RUBCN: variants seen among roughly 807,000 people sequenced by gnomAD.
The protein encoded by RUBCN is run domain Beclin-1-interacting and cysteine-rich domain-containing protein.
A neutral mutation model predicts 113.2 loss-of-function variants in RUBCN; 74 were observed. The observed-to-expected ratio is 0.65, with a 90% CI of 0.54 to 0.79. The LOEUF is 0.79. Among genes scored for constraint, RUBCN ranks in the 30% least tolerant of loss-of-function variants. The probability of loss-of-function intolerance (pLI) is 0.00; values close to 1 mark genes in which losing one functional copy is unlikely to be tolerated. For missense variants in RUBCN, 1,109 were observed against 1,251.7 expected (o/e 0.89, Z 1.72); for synonymous variants, 480 against 490.0 (o/e 0.98, Z 0.27).
At chr3:197,680,593 C>T (rs1010452149) in intron 16 of RUBCN, among the ~76,000 whole-genome samples, 1 of 152,204 alleles carries the variant, frequency 6.6e-6, no homozygotes, top group Non-Finnish European at 1.5e-5. Flanking sequence ...CTGTCCTATG[C>T]TCTAACTTGC....
intron 1 of RUBCN, among the ~76,000 whole-genome samples, chr3:197,724,556 T>G (rs1726531187): frequency 6.6e-6 from 1 of 152,218 alleles, no homozygotes. Context: ...CCTTCCACAG[T>G]GAGCTCTTTA....
In RUBCN at chr3:197,676,549, G is replaced by A. The variant is rs1487161906; in HGVS notation, c.2646+336C>T. ...GCTGGTCTTGAACTCCTGACCTCAG[G>A]TGACCCGCCCACCTCGGCCTCCCAA... On this transcript the variant is annotated intron_variant, in intron 18 of 19. Coordinates refer to ENST00000296343, the MANE Select transcript of RUBCN (RefSeq NM_014687.4). The A allele has an allele frequency of 4.5e-6, 5 of 1,099,266 alleles. No homozygotes were observed. In the South Asian group the frequency reaches 5.4e-5, roughly 12 times the overall value. The allele number at this position is 1,099,266 out of a possible 1,614,324, so 68.1% of individuals were successfully genotyped here.
Position 197,675,446 on chromosome 3 carries a change from G to A in RUBCN, c.2716C>T (p.Leu906Phe). The change falls in exon 19 of 20, where the codon CTC (leucine) becomes TTC (phenylalanine). Residue 906 changes from leucine (L) to phenylalanine (F), a missense_variant. Leu to Phe is a conservative substitution (Grantham distance 22). Around this residue, in one of 3 missense-constraint regions of RUBCN, gnomAD observed 306 missense variants for 348.9 expected, o/e 0.88. Transcript: ENST00000296343. This position sits in a 1 kb window ranked among gnomAD's most constrained non-coding sequence, Gnocchi z 4.4. Reference protein sequence around the residue: ...NEDDIIFPFELHKCRTCEECK... With the variant: ...NEDDIIFPFEFHKCRTCEECK... ...CCTTCACAGGTCCGGCACTTATGGA[G>A]CTCAAAGGGAAAGATGATGTCATCC... 6.2e-7 allele frequency: 1 copy of A among 1,613,956 alleles called. No homozygotes were observed. Among genetic ancestry groups the A allele is most frequent in the Non-Finnish European group, 8.5e-7 (1 of 1,179,954 alleles).
At chr3:197,676,701 T>G in intron 18 of RUBCN, 184 bp downstream of exon 18, 1 of 1,459,158 alleles carries the variant, frequency 6.9e-7, no homozygotes, top group East Asian at 2.5e-5. Context: ...CTCGAGGTTC[T>G]TTAGATCAGG....
At chr3:197,693,848 A>G in intron 10 of RUBCN, 32 bp from the exon 11 acceptor site, 1 of 1,461,860 alleles carries the variant, frequency 6.8e-7, no homozygotes, top group South Asian at 1.1e-5. Flanking sequence ...AGGAATAAAC[A>G]GGGCAGAAAG....
chr3:197,690,107 A>G (rs1000733932), intron 11 of RUBCN, among the ~76,000 whole-genome samples: 2 of 152,196 alleles, frequency 1.3e-5, no homozygotes, highest in Admixed American at 1.3e-4. Context: ...TTACACAATT[A>G]TTTCAAATTC....
intron 11 of RUBCN, among the ~76,000 whole-genome samples, chr3:197,690,277 A>C (rs1160577516): frequency 6.6e-6 from 1 of 152,140 alleles, no homozygotes; most frequent in Admixed American, 6.6e-5. Flanking sequence ...GTCTTTACTA[A>C]AAATACAAAA....
chr3:197,715,968 G>C (rs1725469536), intron 2 of RUBCN, among the ~76,000 whole-genome samples: 1 of 151,956 alleles, frequency 6.6e-6, no homozygotes, highest in African/African-American at 2.4e-5. Context: ...CACAGGAAGA[G>C]CTGATTATTT....
rs770665839 is a variant in RUBCN, at chr3:197,681,839, G to A, written c.2187C>T (p.Asp729=). The A allele has an allele frequency of 1.2e-6, 2 of 1,613,892 alleles. No homozygotes were observed. The highest frequency in any genetic ancestry group is 1.7e-6 in the Non-Finnish European group (2 of 1,179,846). The change falls in exon 15 of 20, where the codon GAC becomes GAT. Residue 729 remains aspartate, a synonymous_variant. Transcript: ENST00000296343. This position sits in a 1 kb window ranked among gnomAD's most constrained non-coding sequence, Gnocchi z 5.5. ...GTGGGAAGGGAAGGCACTCACCAGG[G>A]TCAGTCCGGATGCCACATCCTGCAC... ...YRCAGCGIRT[D]PDYIKRLRYC... is the part of the protein sequence containing the mutation.
chr3:197,677,415 G>A (rs1416630666), intron 17 of RUBCN, 65 bp downstream of exon 17: 53 of 1,349,428 alleles, frequency 3.9e-5, no homozygotes, highest in Middle Eastern at 1.8e-4. Flanking sequence ...AGAGCCAAGC[G>A]CGGGGATGTG....
chr3:197,749,570 C>G, exon 1 of RUBCN: 2 of 1,290,188 alleles, frequency 1.6e-6, no homozygotes, highest in Non-Finnish European at 2.0e-6. Flanking sequence ...TCGTGTGTAC[C>G]GAAGTATAGG....
chr3:197,741,431 A>C (rs1297598880), upstream of RUBCN, among the ~76,000 whole-genome samples: 1 of 152,224 alleles, frequency 6.6e-6, no homozygotes, highest in African/African-American at 2.4e-5. Context: ...TGATTTTAAA[A>C]GCTTTTGAAG....
In RUBCN at chr3:197,727,774, A is replaced by G. The variant is rs902800164; in HGVS notation, c.65+8881T>C. On this transcript the variant is annotated intron_variant, in intron 1 of 19. Transcript: ENST00000296343. ...ACTGTCAAGGTGTTACTGCGGCACA[A>G]TAAGGCTGATTTCATGAGACATATA... 7.9e-5 allele frequency among the ~76,000 whole-genome samples: 12 copies of G among 152,264 alleles called. No individual in the cohort carries two copies. In the East Asian group the frequency reaches 2.1e-3, roughly 27 times the overall value.
chr3:197,676,161 C>T, intron 18 of RUBCN: 1 of 988,246 alleles, frequency 1.0e-6, no homozygotes, highest in Non-Finnish European at 1.2e-6. Context: ...CTCAAAAATA[C>T]TGAGAAGAAA....
At chr3:197,708,486 G>T (rs965709450) in intron 2 of RUBCN, among the ~76,000 whole-genome samples, 1 of 144,162 alleles carries the variant, frequency 6.9e-6, no homozygotes, top group African/African-American at 2.6e-5. Flanking sequence ...TTAAATTAGG[G>T]TACACTTGTA....
At chr3:197,689,900 A>C (rs1270190245) in intron 11 of RUBCN, among the ~76,000 whole-genome samples, 1 of 152,056 alleles carries the variant, frequency 6.6e-6, no homozygotes, top group Non-Finnish European at 1.5e-5. Flanking sequence ...GAACACTAGA[A>C]CTCATCCCTT....
intron 1 of RUBCN, among the ~76,000 whole-genome samples, chr3:197,745,609 C>T (rs1047143645): frequency 2.0e-5 from 3 of 147,444 alleles, no homozygotes; most frequent in African/African-American, 7.5e-5. Context: ...GAGTGAAAAT[C>T]CATCTCAAAA....
chr3:197,685,425 T>G (rs1238990048), intron 11 of RUBCN, among the ~76,000 whole-genome samples: 1 of 152,230 alleles, frequency 6.6e-6, no homozygotes. Flanking sequence ...TGAGCAGCTC[T>G]ACTGTTCCTC....
chr3:197,722,191 T>C (rs1036616992), intron 1 of RUBCN, among the ~76,000 whole-genome samples: 87 of 151,914 alleles, frequency 5.7e-4, no homozygotes, highest in African/African-American at 2.0e-3. Context: ...GGAGCTGGGA[T>C]TGCACCACTG....
Sources: allele counts gnomAD v4.1 joint callset (sites outside exome capture counted in the v4.1 genomes callset), GRCh38; gene constraint gnomAD v4.1.1; regional missense constraint gnomAD v4.1.1; non-coding constraint Gnocchi (gnomAD v3.1); transcripts MANE v1.5; gene names NCBI Gene and HGNC (gene_info 2026-07-23, HGNC 2026-07-21).